The following SAMD8 variants were observed in gnomAD, a reference collection of about 807,000 sequenced individuals.
SAMD8 encodes the protein sphingomyelin synthase-related protein 1.
A neutral mutation model predicts 42.0 loss-of-function variants in SAMD8; 20 were observed. The ratio of observed to expected loss-of-function variants is 0.48; its 90% confidence interval spans 0.34 to 0.69. The LOEUF (loss-of-function observed/expected upper bound fraction) is 0.69, where lower values mean the gene tolerates loss of function less well. Among genes scored for constraint, SAMD8 ranks in the 30% least tolerant of loss-of-function variants. The pLI is 0.01. For missense variants in SAMD8, 328 were observed against 511.6 expected (o/e 0.64, Z 3.46); for synonymous variants, 162 against 173.0 (o/e 0.94, Z 0.50).
At chr10:75,168,064 T>A (rs1033235777) in intron 3 of SAMD8, among the ~76,000 whole-genome samples, 1 of 151,650 alleles carries the variant, frequency 6.6e-6, no homozygotes, top group Non-Finnish European at 1.5e-5. Flanking sequence ...TGGCGCAGTC[T>A]TGGCTCACTG....
chr10:75,162,456 CCT>C (rs1352719521), intron 2 of SAMD8, among the ~76,000 whole-genome samples: 1 of 151,986 alleles, frequency 6.6e-6, no homozygotes, highest in Non-Finnish European at 1.5e-5. Flanking sequence ...TCGAGACCAG[CCT>C]GACCAACATG....
At chr10:75,166,466 G>T (rs900519964) in intron 3 of SAMD8, among the ~76,000 whole-genome samples, 2 of 152,010 alleles carry the variant, frequency 1.3e-5, no homozygotes, top group African/African-American at 4.8e-5. Flanking sequence ...AACAAGGGTA[G>T]TTGCTTGAGG....
At position 75,179,901 on chromosome 10, in the gene SAMD8, C is replaced by T. The variant is rs1235950291; in HGVS notation, c.*3209C>T. The T allele has an allele frequency of 6.6e-6, 1 of 152,076 alleles. No individual in the cohort carries two copies. The highest frequency in any genetic ancestry group is 2.4e-5 in the African/African-American group (1 of 41,418). 9.4% of individuals were successfully genotyped at this position (152,076 alleles called of 1,614,324 possible). A position where few individuals can be genotyped will look rare whatever the true frequency, so the allele number is the denominator to read the frequency against. ...GTGAAGGCTTACATCATCATGGAGACTTTAGTAAGGAAGGAACCAAAAGGT... is the reference window on the plus strand; with the variant it reads ...GTGAAGGCTTACATCATCATGGAGATTTTAGTAAGGAAGGAACCAAAAGGT... On this transcript the variant is annotated 3_prime_UTR_variant, in exon 6 of 6. Transcript: ENST00000542569.
chr10:75,153,577 G>A (rs1407072863), intron 2 of SAMD8, among the ~76,000 whole-genome samples: 1 of 151,252 alleles, frequency 6.6e-6, no homozygotes, highest in Non-Finnish European at 1.5e-5. Flanking sequence ...TCGCGCCATC[G>A]CACTCCAGCC....
At chr10:75,105,630 C>T (rs1443696863) in intron 1 of SAMD8, 2 of 1,540,850 alleles carry the variant, frequency 1.3e-6, no homozygotes, top group Non-Finnish European at 1.8e-6. Context: ...TTCCGGCCAA[C>T]CACATCCAGC....
chr10:75,173,361 C>T (rs1032907200), intron 4 of SAMD8, among the ~76,000 whole-genome samples: 1 of 152,178 alleles, frequency 6.6e-6, no homozygotes, highest in African/African-American at 2.4e-5. Context: ...GAACCAATAA[C>T]ATGCCTATTT....
At chr10:75,132,476 C>CT (rs1186979983) in intron 1 of SAMD8, among the ~76,000 whole-genome samples, 1 of 152,104 alleles carries the variant, frequency 6.6e-6, no homozygotes, top group African/African-American at 2.4e-5. Flanking sequence ...GTTTTGATCT[C>CT]TAAGGGTGAA....
chr10:75,165,555 A>G (rs1317742126), intron 3 of SAMD8, among the ~76,000 whole-genome samples: 3 of 151,886 alleles, frequency 2.0e-5, no homozygotes, highest in African/African-American at 7.3e-5. Context: ...CTGTAGTCCC[A>G]GCTAACTTGG....
At chr10:75,124,833 G>T (rs1451516732) in intron 1 of SAMD8, among the ~76,000 whole-genome samples, 1 of 150,244 alleles carries the variant, frequency 6.7e-6, no homozygotes, top group Non-Finnish European at 1.5e-5. Context: ...CTAAGATGGG[G>T]TCTCACTCTG....
intron 2 of SAMD8, among the ~76,000 whole-genome samples, chr10:75,158,718 A>G (rs996719109): frequency 6.6e-6 from 1 of 152,222 alleles, no homozygotes; most frequent in Non-Finnish European, 1.5e-5. Context: ...ATTAGCAGTC[A>G]TACTCTATTC....
At chr10:75,106,121 T>C (rs1848493745) in intron 1 of SAMD8, among the ~76,000 whole-genome samples, 1 of 141,014 alleles carries the variant, frequency 7.1e-6, no homozygotes, top group African/African-American at 2.7e-5. Context: ...TTTTTTTTTT[T>C]AGTAGAGACA....
chr10:75,174,109 TTTGTTGTTG>T (rs1281187181), intron 4 of SAMD8, among the ~76,000 whole-genome samples: 1 of 152,222 alleles, frequency 6.6e-6, no homozygotes, highest in South Asian at 2.1e-4. Flanking sequence ...GTGTGTGGTT[TTTGTTGTTG>T]TTGTTGTTTT....
At chr10:75,115,768 GTC>G (rs1564674249) in intron 1 of SAMD8, among the ~76,000 whole-genome samples, 1 of 151,794 alleles carries the variant, frequency 6.6e-6, no homozygotes, top group African/African-American at 2.4e-5. Context: ...GTGAAACCCC[GTC>G]TCTACTAAAA....
At chr10:75,170,490 A>G (rs1840825269) in intron 4 of SAMD8, among the ~76,000 whole-genome samples, 1 of 152,186 alleles carries the variant, frequency 6.6e-6, no homozygotes, top group Non-Finnish European at 1.5e-5. Flanking sequence ...AAGGGTTGAT[A>G]TGACACAGGA....
upstream of SAMD8, chr10:75,109,068 T>C (rs2134403739): frequency 2.5e-6 from 4 of 1,612,476 alleles, no homozygotes; most frequent in East Asian, 9.0e-5. Context: ...AAGACTTCCC[T>C]GCCCGCAGGA....
In SAMD8 at chr10:75,176,080, A is replaced by G. The variant is rs1236320610; in HGVS notation, c.807A>G (p.Val269=). Residue 269 remains valine, a synonymous_variant, in exon 5 of 6, where the codon GTA becomes GTG. Coordinates refer to ENST00000542569, the MANE Select transcript of SAMD8 (RefSeq NM_001174156.2). This position sits in a 1 kb window ranked among gnomAD's most constrained non-coding sequence, Gnocchi z 4.3. ...LQCTGKIYGS[V]WEKLHRAFAI... is the part of the protein sequence containing the mutation. ...TTTCTTCATAGATATATGGCAGTGT[A>G]TGGGAGAAATTACATCGAGCCTTTG... The G allele has an allele frequency of 3.1e-6, 5 of 1,613,972 alleles. No homozygotes were observed. Among genetic ancestry groups the G allele is most frequent in the Non-Finnish European group, 4.2e-6 (5 of 1,179,986 alleles).
intron 1 of SAMD8, among the ~76,000 whole-genome samples, chr10:75,134,786 G>C (rs988086491): frequency 6.6e-6 from 1 of 152,154 alleles, no homozygotes; most frequent in Non-Finnish European, 1.5e-5. Context: ...GACTGGTGTG[G>C]TGGCTTATGC....
In SAMD8 at chr10:75,105,857, C is replaced by T. The variant is rs1204040296; in HGVS notation, c.-16+6129C>T. 9 of 1,549,116 alleles carry T rather than the reference C, an allele frequency of 5.8e-6. No individual in the cohort carries two copies. The East Asian group carries it at 1.2e-4, about 21-fold the overall frequency. On this transcript the variant is annotated intron_variant, in intron 1 of 3. Coordinates refer to the SAMD8 transcript ENST00000447533. ...CGGCTCACGCCCACCACACAGTGCA[C>T]CAGGACCTTGGCTGAGGAAGACATC...
intron 1 of SAMD8, among the ~76,000 whole-genome samples, chr10:75,117,463 C>T (rs1385526501): frequency 6.6e-6 from 1 of 151,624 alleles, no homozygotes; most frequent in African/African-American, 2.4e-5. Context: ...ACCTGTAATC[C>T]TAGCACTTTG....
Sources: gnomAD v4.1 joint callset for allele counts (sites outside exome capture counted in the v4.1 genomes callset) on GRCh38, gnomAD v4.1.1 for gene constraint, Gnocchi (gnomAD v3.1) non-coding constraint, MANE v1.5 for transcripts, NCBI Gene and HGNC (gene_info 2026-07-23, HGNC 2026-07-21) for gene names.